EIF2AK2: variants seen among roughly 807,000 people sequenced by gnomAD.
EIF2AK2 encodes the protein eukaryotic translation initiation factor 2 alpha kinase 2.
Under a neutral mutation model 70.5 loss-of-function variants are expected in EIF2AK2, and 40 were observed. The observed-to-expected ratio is 0.57, with a 90% CI of 0.44 to 0.74. The LOEUF is 0.74. EIF2AK2 is among the 30% of genes least tolerant of loss of function. The pLI is 0.00. For missense variants in EIF2AK2, 555 were observed against 644.3 expected (o/e 0.86, Z 1.50); for synonymous variants, 198 against 220.9 (o/e 0.90, Z 0.92).
At chr2:37,150,362 T>C (rs1048669144) in intron 1 of EIF2AK2, among the ~76,000 whole-genome samples, 2 of 152,212 alleles carry the variant, frequency 1.3e-5, no homozygotes, top group East Asian at 1.9e-4. Context: ...GTTTTCACAA[T>C]GAAATAAAAC....
In EIF2AK2 at chr2:37,135,501, C is replaced by T; in HGVS notation, c.768G>A (p.Lys256=). 6.2e-7 allele frequency: 1 copy of T among 1,609,912 alleles called. No individual in the cohort carries two copies. The highest frequency in any genetic ancestry group is 2.2e-5 in the East Asian group (1 of 44,600). ...AATCTTACCTCTTGTCCACAGTATA[C>T]TTTGTTTCTTTCATGTCAGGAAGGT... ...RFDLPDMKET[K]YTVDKRFGMD... is the part of the protein sequence containing the mutation. The change falls in exon 10 of 17, where the codon AAG becomes AAA. Residue 256 remains lysine, a synonymous_variant. Transcript: ENST00000233057.
chr2:37,141,351 A>G (rs1573031528), intron 5 of EIF2AK2, among the ~76,000 whole-genome samples: 1 of 152,336 alleles, frequency 6.6e-6, no homozygotes, highest in East Asian at 1.9e-4. Context: ...TAATTTGATC[A>G]ATTATGGTAA....
chr2:37,134,061 T>C (rs975984068), intron 10 of EIF2AK2, among the ~76,000 whole-genome samples: 1 of 152,216 alleles, frequency 6.6e-6, no homozygotes, highest in Non-Finnish European at 1.5e-5. Context: ...TGTTTATCGC[T>C]GTCTTCTTCA....
At position 37,148,840 on chromosome 2, in the gene EIF2AK2, C is replaced by A; in HGVS notation, c.-17+17G>T. On this transcript the variant is annotated intron_variant, in intron 2 of 16. Coordinates refer to ENST00000233057, the MANE Select transcript of EIF2AK2 (RefSeq NM_001135651.3). ...ATGCCACTTTTCTGAGTGCAAAATT[C>A]GGAAGACCGCTTGTACCTGGTTGGA... is the stretch of plus-strand genomic sequence containing the variant. 1.2e-6 allele frequency: 1 copy of A among 839,566 alleles called. No individual in the cohort carries two copies. The highest frequency in any genetic ancestry group is 1.3e-5 in the South Asian group (1 of 75,072). The allele number at this position is 839,566 out of a possible 1,614,324, so 52.0% of individuals were successfully genotyped here. A position where few individuals can be genotyped will look rare whatever the true frequency, so the allele number is the denominator to read the frequency against.
At chr2:37,150,844 G>A (rs913672727) in intron 1 of EIF2AK2, among the ~76,000 whole-genome samples, 1 of 152,136 alleles carries the variant, frequency 6.6e-6, no homozygotes, top group African/African-American at 2.4e-5. Context: ...TCTGAATTTT[G>A]CAGAAATCAA....
chr2:37,118,051 G>A (rs539651069), intron 13 of EIF2AK2, among the ~76,000 whole-genome samples: 2 of 152,106 alleles, frequency 1.3e-5, no homozygotes, highest in Non-Finnish European at 2.9e-5. Flanking sequence ...AGCACACCTG[G>A]AATGCCAGCA....
chr2:37,139,628 T>A lies in EIF2AK2; in HGVS notation c.516+3A>T. On this transcript the variant is annotated splice_donor_region_variant and intron_variant, in intron 6 of 16. Transcript: ENST00000233057. ...AAAAATTTAATCCAAAGGCAATACGTACCACTGAGGTTTCTTCTGATAATA... is the reference window on the plus strand; with the variant it reads ...AAAAATTTAATCCAAAGGCAATACGAACCACTGAGGTTTCTTCTGATAATA... 6.2e-7 allele frequency: 1 copy of A among 1,609,710 alleles called. No individual in the cohort carries two copies. The highest frequency in any genetic ancestry group is 8.5e-7 in the Non-Finnish European group (1 of 1,179,010).
chr2:37,140,090 A>G (rs541568860), intron 5 of EIF2AK2, among the ~76,000 whole-genome samples: 9 of 152,286 alleles, frequency 5.9e-5, no homozygotes, highest in African/African-American at 2.2e-4. Flanking sequence ...TAGAAAAGAA[A>G]GAAAGAGATC....
At chr2:37,135,264 C>T (rs62133145) in intron 10 of EIF2AK2, among the ~76,000 whole-genome samples, 1 of 152,146 alleles carries the variant, frequency 6.6e-6, no homozygotes, top group African/African-American at 2.4e-5. Flanking sequence ...ATCAAAACAA[C>T]CAACTAGATT....
chr2:37,107,384 T>C lies in EIF2AK2; in HGVS notation c.1545A>G (p.Leu515=), dbSNP rs765044842. 6.2e-7 allele frequency: 1 copy of C among 1,613,520 alleles called. No homozygotes were observed. Among genetic ancestry groups the C allele is most frequent in the African/African-American group, 1.3e-5 (1 of 74,888 alleles). The part of the protein sequence containing the change: ...DIFDKKEKTL[L]QKLLSKKPED... The stretch of plus-strand genomic sequence containing the variant: ...CAGGTTTCTTTGAGAGTAATTTCTG[T>C]AGAAGAGTTTTCTGCAATGACAGTG... Residue 515 remains leucine, a synonymous_variant, in exon 17 of 17, where the codon CTA becomes CTG. Coordinates refer to ENST00000233057, the MANE Select transcript of EIF2AK2 (RefSeq NM_001135651.3).
intron 1 of EIF2AK2, among the ~76,000 whole-genome samples, chr2:37,151,752 A>G (rs931165444): frequency 1.3e-5 from 2 of 152,256 alleles, no homozygotes; most frequent in African/African-American, 4.8e-5. Flanking sequence ...AATATTATTC[A>G]GTCACAAAAA....
rs1404588216 is a variant in EIF2AK2, at chr2:37,101,762, T to C, written c.*5511A>G. ...CACATCAACCAAATGCAATGTTGGA[T>C]CTAGATTTCAACAACCAAGAAAACT... On this transcript the variant is annotated 3_prime_UTR_variant, in exon 17 of 17. Transcript: ENST00000233057. 6.6e-6 allele frequency: 1 copy of C among 152,192 alleles called. No homozygotes were observed. The highest frequency in any genetic ancestry group is 1.5e-5 in the Non-Finnish European group (1 of 68,028). The allele number at this position is 152,192 out of a possible 1,614,324, so 9.4% of individuals were successfully genotyped here.
rs1261288150 is a variant in EIF2AK2 at position 37,139,619 on chromosome 2, G to A, written c.516+12C>T. 6.2e-7 allele frequency: 1 copy of A among 1,604,874 alleles called. No homozygotes were observed. Among genetic ancestry groups the A allele is most frequent in the Non-Finnish European group, 8.5e-7 (1 of 1,177,824 alleles). On this transcript the variant is annotated intron_variant, in intron 6 of 16. Coordinates refer to ENST00000233057, the MANE Select transcript of EIF2AK2 (RefSeq NM_001135651.3). ...TTAAAACATAAAAATTTAATCCAAA[G>A]GCAATACGTACCACTGAGGTTTCTT...
intron 8 of EIF2AK2, among the ~76,000 whole-genome samples, chr2:37,137,836 G>T (rs966915962): frequency 6.6e-6 from 1 of 152,114 alleles, no homozygotes. Flanking sequence ...TGCCGAGCCG[G>T]GCGCGGTGGC....
At chr2:37,111,882 T>A (rs1270521588) in intron 14 of EIF2AK2, among the ~76,000 whole-genome samples, 2,454 of 48,920 alleles carry the variant, frequency 0.05, 56 homozygotes, top group East Asian at 0.071. Flanking sequence ...AAAAAAAATA[T>A]ATATATATAT....
intron 11 of EIF2AK2, among the ~76,000 whole-genome samples, chr2:37,123,701 G>A (rs1674634397): frequency 6.6e-6 from 1 of 152,152 alleles, no homozygotes; most frequent in South Asian, 2.1e-4. Flanking sequence ...CCTAATTCAG[G>A]ATTTTCAATG....
intron 4 of EIF2AK2, among the ~76,000 whole-genome samples, chr2:37,144,941 C>T (rs1035661857): frequency 3.3e-5 from 5 of 151,692 alleles, no homozygotes; most frequent in African/African-American, 9.7e-5. Flanking sequence ...GGCTGGAGTA[C>T]AGTGGCACAA....
At position 37,126,288 on chromosome 2, in the gene EIF2AK2, C is replaced by T. The variant is rs1674725892; in HGVS notation, c.908+1G>A. On this transcript the variant is annotated splice_donor_variant, in intron 11 of 16. Coordinates refer to ENST00000233057, the MANE Select transcript of EIF2AK2 (RefSeq NM_001135651.3). LOFTEE classifies it high-confidence loss of function. ...AAAAAATGTAAACATTTACTACTTA[C>T]TCGTTATTATATTTAACACGTTTAA... is the stretch of plus-strand genomic sequence containing the variant. The T allele has an allele frequency of 3.1e-6, 5 of 1,587,306 alleles. No homozygotes were observed. Among genetic ancestry groups the T allele is most frequent in the Non-Finnish European group, 4.3e-6 (5 of 1,167,538 alleles).
intron 1 of EIF2AK2, among the ~76,000 whole-genome samples, chr2:37,149,634 G>A (rs1238415262): frequency 1.3e-5 from 2 of 152,086 alleles, no homozygotes; most frequent in African/African-American, 2.4e-5. Flanking sequence ...AAAGGAAACT[G>A]GTAAGGAAAC....
Sources: allele counts gnomAD v4.1 joint callset (sites outside exome capture counted in the v4.1 genomes callset), GRCh38; gene constraint gnomAD v4.1.1; transcripts MANE v1.5; gene names NCBI Gene and HGNC (gene_info 2026-07-23, HGNC 2026-07-21).